C11orf65: variants seen among roughly 807,000 people sequenced by gnomAD.
C11orf65 encodes protein MFI.
In C11orf65, 38 loss-of-function variants were observed where a neutral mutation model predicts 35.3. The ratio of observed to expected loss-of-function variants is 1.08; its 90% CI spans 0.83 to 1.41. The LOEUF (loss-of-function observed/expected upper bound fraction) is 1.41, where lower values mean the gene tolerates loss of function less well. C11orf65 is among the 40% of genes most tolerant of loss of function. The pLI is 0.00. For missense variants in C11orf65, 370 were observed against 367.1 expected, an observed-to-expected ratio of 1.01 and a Z score of -0.06; for synonymous variants, 105 against 114.4, an observed-to-expected ratio of 0.92 and a Z score of 0.53.
At chr11:108,406,007 TC>T (rs2092533593) in intron 5 of C11orf65, among the ~76,000 whole-genome samples, 1 of 152,118 alleles carries the variant, frequency 6.6e-6, no homozygotes, top group Admixed American at 6.6e-5. Context: ...TTGTCTATTT[TC>T]CCCCTTCCAA....
intron 3 of C11orf65, chr11:108,332,832 T>G: frequency 6.2e-7 from 1 of 1,613,296 alleles, no homozygotes; most frequent in Non-Finnish European, 8.5e-7. Flanking sequence ...GTCAGAAGTG[T>G]TGAGGCACTT....
At chr11:108,308,863 T>C in exon 7 of C11orf65, 4 of 648,426 alleles carry the variant, frequency 6.2e-6, no homozygotes, top group South Asian at 5.8e-5. Flanking sequence ...TAGAGTTTTA[T>C]ACCAGATTAT....
At chr11:108,398,492 T>A (rs2092369156) in intron 6 of C11orf65, among the ~76,000 whole-genome samples, 1 of 152,230 alleles carries the variant, frequency 6.6e-6, no homozygotes, top group Non-Finnish European at 1.5e-5. Flanking sequence ...TTGAGTTTGA[T>A]ATAGAAATGC....
intron 3 of C11orf65, among the ~76,000 whole-genome samples, chr11:108,420,145 T>C (rs1329768120): frequency 3.3e-5 from 5 of 152,174 alleles, no homozygotes; most frequent in African/African-American, 1.2e-4. Flanking sequence ...TAACCATTTA[T>C]AGGAGCATTA....
chr11:108,405,316 G>A, intron 6 of C11orf65, 113 bp downstream of exon 6: 1 of 1,073,448 alleles, frequency 9.3e-7, no homozygotes, highest in Non-Finnish European at 1.3e-6. Flanking sequence ...GTCAGGGTCT[G>A]CGGGCAGACC....
At position 108,325,249 on chromosome 11, in the gene C11orf65, GTT is replaced by G. The variant is rs11366542; in HGVS notation, c.641-16180_641-16179del. 0.1 allele frequency: 55,851 copies of G among 556,056 alleles called. 65 individuals are homozygous for G. The highest frequency in any genetic ancestry group is 0.14 in the Middle Eastern group (288 of 2,104). The allele number at this position is 556,056 out of a possible 1,614,324, so 34.4% of individuals were successfully genotyped here. On this transcript the variant is annotated intron_variant, in intron 6 of 6. Coordinates refer to the C11orf65 transcript ENST00000525729. The stretch of plus-strand genomic sequence containing the variant: ...TATCGTAAGTTCCAGAACTTACATA[GTT>G]TTTTTTTTTTTTTTTTTCATTTCTC...
chr11:108,359,151 C>G (rs2137568506), intron 2 of C11orf65, among the ~76,000 whole-genome samples: 1 of 150,924 alleles, frequency 6.6e-6, no homozygotes, highest in South Asian at 2.1e-4. Flanking sequence ...CAATCCTAGT[C>G]TCTGATAAAA....
At chr11:108,339,657 T>C (rs2087275840) in intron 2 of C11orf65, among the ~76,000 whole-genome samples, 1 of 152,124 alleles carries the variant, frequency 6.6e-6, no homozygotes, top group Admixed American at 6.5e-5. Context: ...ACATCACAGT[T>C]GAGACTCTAA....
rs1484346818 is a variant in C11orf65 at position 108,332,785 on chromosome 11, A to T, written c.300-1218T>A. 3.7e-6 allele frequency: 6 copies of T among 1,613,280 alleles called. No individual in the cohort carries two copies. Among genetic ancestry groups the T allele is most frequent in the Non-Finnish European group, 5.1e-6 (6 of 1,179,760 alleles). On this transcript the variant is annotated intron_variant, in intron 3 of 3. Transcript: ENST00000524755. ...AGGATCGAACAGAGGCTGCAAATAG[A>T]ATAATATGTACTATCAGAAGTAGGA...
At chr11:108,394,486 T>C (rs227058) in intron 6 of C11orf65, among the ~76,000 whole-genome samples, 82,909 of 152,048 alleles carry the variant, frequency 0.55, 23,076 homozygotes, top group Middle Eastern at 0.74. Context: ...GACCCTTAGT[T>C]TTAAATTCAG....
At chr11:108,449,559 G>T (rs2093317406) in intron 2 of C11orf65, among the ~76,000 whole-genome samples, 2 of 152,100 alleles carry the variant, frequency 1.3e-5, no homozygotes, top group East Asian at 1.9e-4. Flanking sequence ...TTAATAAATG[G>T]TGCTGGGAAA....
At chr11:108,331,654 AAAT>A (rs1477047278) in intron 3 of C11orf65, 1 of 1,414,982 alleles carries the variant, frequency 7.1e-7, no homozygotes, top group African/African-American at 1.5e-5. Flanking sequence ...TAAGAAATGG[AAAT>A]ACAAAATTTT....
chr11:108,442,201 C>A (rs572166886), intron 2 of C11orf65, among the ~76,000 whole-genome samples: 1 of 152,056 alleles, frequency 6.6e-6, no homozygotes, highest in African/African-American at 2.4e-5. Context: ...GTACCCGATT[C>A]AATCAAGTGG....
chr11:108,348,580 G>A (rs1416872294), intron 2 of C11orf65, among the ~76,000 whole-genome samples: 5 of 151,896 alleles, frequency 3.3e-5, no homozygotes, highest in Admixed American at 6.5e-5. Flanking sequence ...AAGTGTGAAT[G>A]TAATGTAAAG....
intron 2 of C11orf65, among the ~76,000 whole-genome samples, chr11:108,357,357 G>C (rs1030924415): frequency 2.0e-5 from 3 of 152,166 alleles, no homozygotes; most frequent in African/African-American, 7.2e-5. Flanking sequence ...AGGTGGCAGC[G>C]AGGCTGGGGG....
intron 2 of C11orf65, among the ~76,000 whole-genome samples, chr11:108,442,286 A>G (rs1487813197): frequency 2.0e-5 from 3 of 151,544 alleles, no homozygotes; most frequent in Non-Finnish European, 4.4e-5. Flanking sequence ...AAAAAGAGGA[A>G]AAAGAACGAA....
chr11:108,360,509 A>G (rs1293940723), intron 2 of C11orf65, among the ~76,000 whole-genome samples: 4 of 129,866 alleles, frequency 3.1e-5, no homozygotes, highest in South Asian at 2.8e-4. Flanking sequence ...AGAATTTTAG[A>G]CCAATATCCT....
At chr11:108,415,262 A>G (rs1456287191) in intron 3 of C11orf65, among the ~76,000 whole-genome samples, 1 of 152,164 alleles carries the variant, frequency 6.6e-6, no homozygotes, top group South Asian at 2.1e-4. Context: ...AAAAATCCCA[A>G]TGAATCACAA....
chr11:108,455,731 G>C (rs371451434), intron 2 of C11orf65, among the ~76,000 whole-genome samples: 1 of 144,874 alleles, frequency 6.9e-6, no homozygotes, highest in African/African-American at 2.6e-5. Flanking sequence ...CAGGAGAATC[G>C]CTTGAACCCA....
Sources: allele counts gnomAD v4.1 joint callset (sites outside exome capture counted in the v4.1 genomes callset), GRCh38; gene constraint gnomAD v4.1.1; transcripts MANE v1.5; gene names NCBI Gene and HGNC (gene_info 2026-07-23, HGNC 2026-07-21).